Variants in KIF4A observed in about 807,000 individuals in gnomAD.
The protein encoded by KIF4A is chromosome-associated kinesin KIF4A.
A neutral mutation model predicts 105.9 loss-of-function variants in KIF4A; 7 were observed. The ratio of observed to expected loss-of-function variants is 0.07; its 90% confidence interval spans 0.04 to 0.12. KIF4A has a LOEUF of 0.12. Among genes scored for constraint, KIF4A ranks in the 10% least tolerant of loss-of-function variants. The pLI is 1.00. For missense variants in KIF4A, 558 were observed against 929.2 expected, an observed-to-expected ratio of 0.60 and a Z score of 5.19; for synonymous variants, 281 against 331.3, an observed-to-expected ratio of 0.85 and a Z score of 1.65.
rs764585670 is a variant in KIF4A, at chrX:70,416,832, C to T, written c.3256-1056C>T. Reference sequence around the variant, plus strand: ...GTCATTGTTAGAGCTGATAAATATGCCTACCTTGTAGACAAGTTATGAGAT... The same window carrying T: ...GTCATTGTTAGAGCTGATAAATATGTCTACCTTGTAGACAAGTTATGAGAT... On this transcript the variant is annotated intron_variant, in intron 28 of 30. Transcript: ENST00000374403. Among the ~76,000 whole-genome samples the T allele has an allele frequency of 5.3e-5, 6 of 112,809 alleles. No individual in the cohort carries two copies. The South Asian group carries it at 1.1e-3, about 21-fold the overall frequency.
At chrX:70,379,898 G>A (rs1412573881) in intron 18 of KIF4A, among the ~76,000 whole-genome samples, 2 of 111,072 alleles carry the variant, frequency 1.8e-5, no homozygotes, top group Admixed American at 1.9e-4. Context: ...TGTGTTCCCT[G>A]ATACCAAAAC....
chrX:70,338,860 C>A (rs955497482), intron 10 of KIF4A, among the ~76,000 whole-genome samples: 1 of 110,692 alleles, frequency 9.0e-6, no homozygotes, highest in Admixed American at 9.6e-5. Flanking sequence ...CCGAGGTGGG[C>A]GGATCACAAG....
chrX:70,390,246 T>C (rs973871067), intron 20 of KIF4A, among the ~76,000 whole-genome samples: 21 of 111,683 alleles, frequency 1.9e-4, no homozygotes, highest in African/African-American at 6.8e-4. Flanking sequence ...TGGACAATTT[T>C]ATTTCTTCTT....
intron 15 of KIF4A, among the ~76,000 whole-genome samples, chrX:70,367,871 G>C (rs929939963): frequency 5.4e-5 from 6 of 111,770 alleles, no homozygotes. Flanking sequence ...CATTCTCCCC[G>C]TCACTTTCAG....
intron 20 of KIF4A, among the ~76,000 whole-genome samples, chrX:70,394,267 G>T (rs1045314834): frequency 1.8e-5 from 2 of 108,272 alleles, no homozygotes; most frequent in African/African-American, 6.7e-5. Flanking sequence ...GCAGTGGCGT[G>T]ACCATAGTTC....
chrX:70,334,901 A>T (rs1309882152), intron 10 of KIF4A, among the ~76,000 whole-genome samples: 3 of 111,986 alleles, frequency 2.7e-5, no homozygotes, highest in Non-Finnish European at 5.6e-5. Context: ...GTTGGCAAGG[A>T]TGTGAAGATA....
At position 70,419,910 on chromosome X, in the gene KIF4A, C is replaced by G. The variant is rs946352618; in HGVS notation, c.3495+127C>G. Reference sequence around the variant, plus strand: ...AATCAGCTTGCTGGGAACTAGGGATCGGGCATAGACTCTAGTCTGGTTTTT... The same window carrying G: ...AATCAGCTTGCTGGGAACTAGGGATGGGGCATAGACTCTAGTCTGGTTTTT... On this transcript the variant is annotated intron_variant, in intron 30 of 30. Transcript: ENST00000374403. The G allele has an allele frequency of 3.0e-6, 3 of 1,011,176 alleles. No homozygotes were observed. In the African/African-American group the frequency reaches 5.7e-5, roughly 19 times the overall value. The allele number at this position is 1,011,176 out of a possible 1,213,427, so 83.3% of individuals were successfully genotyped here.
At chrX:70,317,544 CT>C (rs34377717) in intron 7 of KIF4A, among the ~76,000 whole-genome samples, 5,214 of 69,158 alleles carry the variant, frequency 0.075, 308 homozygotes, top group African/African-American at 0.27. Flanking sequence ...ATTCCCTTGC[CT>C]TTTTTTTTTT....
chrX:70,376,261 C>A, intron 18 of KIF4A, 51 bp downstream of exon 18: 1 of 696,005 alleles, frequency 1.4e-6, no homozygotes, highest in South Asian at 2.6e-5. Context: ...CTTCTCTGAG[C>A]TGACTAACAA....
chrX:70,348,977 G>A (rs2086006685), intron 13 of KIF4A, among the ~76,000 whole-genome samples: 1 of 104,099 alleles, frequency 9.6e-6, no homozygotes, highest in African/African-American at 3.6e-5. Context: ...AGATGGGGCG[G>A]CCGGGCAGAG....
rs1555945529 is a variant in KIF4A at position 70,310,311 on chromosome X, T to TTGTGTGTGTGTG, written c.778+7940_778+7951dup. Among the ~76,000 whole-genome samples the TTGTGTGTGTGTG allele has an allele frequency of 4.1e-3, 352 of 86,282 alleles. 5 individuals are homozygous for TTGTGTGTGTGTG. Among genetic ancestry groups the TTGTGTGTGTGTG allele is most frequent in the African/African-American group, 0.015 (320 of 21,007 alleles). 74.9% of individuals were successfully genotyped at this position (86,282 alleles called of 115,157 possible). ...TCATTACAGTGGGATCTCAAAATGGTTGTGTGTGTGTGTGTGTGTGTGTGT... is the reference window on the plus strand; with the variant it reads ...TCATTACAGTGGGATCTCAAAATGGTTGTGTGTGTGTGTGTGTGTGTGTGTGTGTGTGTGTGT... On this transcript the variant is annotated intron_variant, in intron 7 of 30. Coordinates refer to ENST00000374403, the MANE Select transcript of KIF4A (RefSeq NM_012310.5).
intron 18 of KIF4A, among the ~76,000 whole-genome samples, chrX:70,382,298 G>A (rs190544699): frequency 5.4e-5 from 6 of 111,565 alleles, no homozygotes; most frequent in African/African-American, 2.0e-4. Context: ...GGGCATGGTC[G>A]TACATGCCTG....
intron 23 of KIF4A, among the ~76,000 whole-genome samples, chrX:70,403,173 G>T (rs1488837122): frequency 8.9e-6 from 1 of 112,208 alleles, no homozygotes; most frequent in Non-Finnish European, 1.9e-5. Flanking sequence ...GTCACAAGAG[G>T]AATGAAAATT....
intron 20 of KIF4A, among the ~76,000 whole-genome samples, chrX:70,394,893 T>C (rs1385824790): frequency 8.9e-6 from 1 of 112,221 alleles, no homozygotes; most frequent in Non-Finnish European, 1.9e-5. Context: ...TTGATTACTA[T>C]TAGCATGGTA....
At chrX:70,382,790 CAAAA>C (rs752261480) in intron 18 of KIF4A, among the ~76,000 whole-genome samples, 1 of 54,358 alleles carries the variant, frequency 1.8e-5, no homozygotes, top group African/African-American at 6.7e-5. Flanking sequence ...CCATCTCTAA[CAAAA>C]AAAAAAAAAA....
At position 70,353,756 on chromosome X, in the gene KIF4A, G is replaced by T. The variant is rs1216281009; in HGVS notation, c.1623G>T (p.Arg541Ser). The change falls in exon 15 of 31, where the codon AGG becomes AGT. Residue 541 changes from arginine to serine, a missense_variant. Physicochemically the swap from Arg to Ser is moderately radical, Grantham distance 110 (BLOSUM62 -1). Around this residue, in one of 2 missense-constraint regions of KIF4A, gnomAD observed 469 missense variants for 680.4 expected, o/e 0.69. Transcript: ENST00000374403. Reference sequence around the variant, plus strand: ...TTGCACTGAAAGAGGCCCTGGCTAGGAAGATGACTCAGAATGACAGCCAAC... The same window carrying T: ...TTGCACTGAAAGAGGCCCTGGCTAGTAAGATGACTCAGAATGACAGCCAAC... ...KALALKEALA[R>S]KMTQNDSQLQ... 2 of 1,202,901 alleles carry T rather than the reference G, an allele frequency of 1.7e-6. No homozygotes were observed. The highest frequency in any genetic ancestry group is 2.2e-6 in the Non-Finnish European group (2 of 890,788).
At chrX:70,323,805 A>T (rs2085900491) in intron 7 of KIF4A, among the ~76,000 whole-genome samples, 1 of 90,009 alleles carries the variant, frequency 1.1e-5, no homozygotes, top group Admixed American at 1.4e-4. Flanking sequence ...ATTAACTGGC[A>T]TTTAATATTT....
At chrX:70,368,597 C>T (rs914308552) in intron 15 of KIF4A, among the ~76,000 whole-genome samples, 3 of 111,761 alleles carry the variant, frequency 2.7e-5, no homozygotes, top group Admixed American at 1.9e-4. Context: ...GCTGCCTGAT[C>T]GTTCCTCTGG....
intron 7 of KIF4A, among the ~76,000 whole-genome samples, chrX:70,310,762 CTG>C (rs767438471): frequency 9.9e-5 from 11 of 111,144 alleles, no homozygotes; most frequent in African/African-American, 3.3e-4. Context: ...GAAATTATCT[CTG>C]AAGGTTTCTT....
Sources: gnomAD v4.1 joint callset for allele counts (sites outside exome capture counted in the v4.1 genomes callset) on GRCh38, gnomAD v4.1.1 for gene constraint, gnomAD v4.1.1 regional missense constraint, MANE v1.5 for transcripts, NCBI Gene and HGNC (gene_info 2026-07-23, HGNC 2026-07-21) for gene names.